EPB41L4A: variants seen among roughly 807,000 people sequenced by gnomAD.
EPB41L4A encodes erythrocyte membrane protein band 4.1 like 4A.
EPB41L4A carries 100 observed loss-of-function variants against 108.6 expected under a neutral mutation model. The ratio of observed to expected loss-of-function variants is 0.92; its 90% confidence interval spans 0.78 to 1.09. The LOEUF (loss-of-function observed/expected upper bound fraction) is 1.09, where lower values mean the gene tolerates loss of function less well. EPB41L4A is among the 50% of genes least tolerant of loss of function. The pLI is 0.00. For missense variants in EPB41L4A, 1,030 were observed against 842.7 expected, an observed-to-expected ratio of 1.22 and a Z score of -2.75; for synonymous variants, 319 against 289.0, an observed-to-expected ratio of 1.10 and a Z score of -1.05.
At chr5:112,194,977 G>A (rs966673308) in intron 16 of EPB41L4A, among the ~76,000 whole-genome samples, 2 of 152,020 alleles carry the variant, frequency 1.3e-5, no homozygotes, top group African/African-American at 2.4e-5. Context: ...GACTAAATAT[G>A]GACACAAAAT....
intron 9 of EPB41L4A, among the ~76,000 whole-genome samples, chr5:112,251,812 T>C (rs1286361356): frequency 2.0e-5 from 3 of 152,056 alleles, no homozygotes; most frequent in African/African-American, 7.2e-5. Flanking sequence ...TAAACCTCAG[T>C]AGATTTCAAA....
chr5:112,419,366 G>C, upstream of EPB41L4A: 1 of 363,542 alleles, frequency 2.8e-6, no homozygotes, highest in Non-Finnish European at 5.2e-6. Flanking sequence ...CGCAGTCCTG[G>C]GGACGACAAA....
chr5:112,154,309 A>G (rs1759575347), intron 12 of EPB41L4A, among the ~76,000 whole-genome samples: 1 of 152,226 alleles, frequency 6.6e-6, no homozygotes, highest in Admixed American at 6.5e-5. Flanking sequence ...TACGATGATC[A>G]TTAGGTTTTC....
chr5:112,170,365 C>T lies in EPB41L4A; in HGVS notation c.1675G>A (p.Glu559Lys), dbSNP rs751898965. The T allele has an allele frequency of 6.2e-7, 1 of 1,603,558 alleles. No individual in the cohort carries two copies. The highest frequency in any genetic ancestry group is 1.1e-5 in the South Asian group (1 of 90,798). The stretch of plus-strand genomic sequence containing the variant: ...GACAATCCGGATGGATCCACAAGTT[C>T]TTTTCTGTAAAGGAATATGCAAGAA... ...KEELWKHIQK[E>K]LVDPSGLSEE... The change falls in exon 20 of 23, where the codon GAA (glutamate) becomes AAA (lysine). Residue 559 changes from glutamate (E) to lysine (K), a missense_variant. Coordinates refer to ENST00000261486, the MANE Select transcript of EPB41L4A (RefSeq NM_022140.5).
At chr5:112,152,198 A>G (rs1285174912) in intron 12 of EPB41L4A, among the ~76,000 whole-genome samples, 1 of 149,990 alleles carries the variant, frequency 6.7e-6, no homozygotes, top group African/African-American at 2.5e-5. Context: ...AAGAAAAGAG[A>G]AAAAAAAACA....
chr5:112,397,374 T>C (rs1761426612), intron 1 of EPB41L4A, among the ~76,000 whole-genome samples: 1 of 152,232 alleles, frequency 6.6e-6, no homozygotes, highest in Non-Finnish European at 1.5e-5. Context: ...ATAGCCTTCA[T>C]ATTATACATG....
chr5:112,151,252 G>A (rs1413198014), intron 12 of EPB41L4A, among the ~76,000 whole-genome samples: 2 of 151,364 alleles, frequency 1.3e-5, no homozygotes, highest in Non-Finnish European at 2.9e-5. Context: ...TGTCAAATTT[G>A]TGAGTTTAAA....
intron 1 of EPB41L4A, among the ~76,000 whole-genome samples, chr5:112,414,124 T>C (rs777810506): frequency 1.6e-4 from 24 of 152,208 alleles, no homozygotes; most frequent in Admixed American, 2.0e-4. Context: ...AATCTGACTT[T>C]AGAGCCTATG....
At chr5:112,142,203 T>C (rs1296922451), downstream of EPB41L4A, among the ~76,000 whole-genome samples, 1 of 152,138 alleles carries the variant, frequency 6.6e-6, no homozygotes, top group African/African-American at 2.4e-5. Context: ...TTACCACTAC[T>C]CCTCTCCTTC....
intron 1 of EPB41L4A, among the ~76,000 whole-genome samples, chr5:112,316,405 A>AT (rs879485649): frequency 1.3e-5 from 2 of 152,134 alleles, no homozygotes. Context: ...AATTACATTA[A>AT]TTTTTTTAGC....
intron 4 of EPB41L4A, among the ~76,000 whole-genome samples, chr5:112,271,995 ACAT>A (rs1752288758): frequency 1.3e-5 from 2 of 152,172 alleles, no homozygotes; most frequent in Non-Finnish European, 2.9e-5. Flanking sequence ...CTATTAACGT[ACAT>A]TTTTCATAAT....
At chr5:112,223,004 C>T (rs1748181553) in intron 12 of EPB41L4A, among the ~76,000 whole-genome samples, 1 of 150,842 alleles carries the variant, frequency 6.6e-6, no homozygotes, top group Non-Finnish European at 1.5e-5. Flanking sequence ...TGCAGTGGCA[C>T]AATCCCTGCT....
Position 112,314,784 on chromosome 5 carries a change from C to A in EPB41L4A, c.100-7294G>T, listed in dbSNP as rs146651342. ...CTCCAGCCTGGGTGACGGAGCAAGA[C>A]TCCATCTCAAAAAAAAAAGAAAAAG... is the stretch of plus-strand genomic sequence containing the variant. On this transcript the variant is annotated intron_variant, in intron 1 of 22. Coordinates refer to ENST00000261486, the MANE Select transcript of EPB41L4A (RefSeq NM_022140.5). Among the ~76,000 whole-genome samples, 1,001 of 144,214 alleles carry A rather than the reference C, an allele frequency of 6.9e-3. 12 individuals are homozygous for A. The highest frequency in any genetic ancestry group is 0.026 in the African/African-American group (915 of 35,748). 94.6% of individuals were successfully genotyped at this position (144,214 alleles called of 152,430 possible).
At chr5:112,219,509 GT>G (rs1295903764) in intron 12 of EPB41L4A, among the ~76,000 whole-genome samples, 1 of 151,902 alleles carries the variant, frequency 6.6e-6, no homozygotes, top group Non-Finnish European at 1.5e-5. Context: ...TAATAAAAAA[GT>G]TTTTATTATC....
At chr5:112,253,009 A>T (rs1211419986) in intron 9 of EPB41L4A, among the ~76,000 whole-genome samples, 1 of 152,178 alleles carries the variant, frequency 6.6e-6, no homozygotes, top group Non-Finnish European at 1.5e-5. Flanking sequence ...AGAGCTAGAA[A>T]AATCAGCGTT....
At chr5:112,325,136 A>G (rs1359408250) in intron 1 of EPB41L4A, among the ~76,000 whole-genome samples, 2 of 140,918 alleles carry the variant, frequency 1.4e-5, no homozygotes, top group Admixed American at 1.4e-4. Flanking sequence ...GCGAGAAATT[A>G]CGCACAATTA....
At chr5:112,325,860 T>C (rs1450108340) in intron 1 of EPB41L4A, among the ~76,000 whole-genome samples, 1 of 152,184 alleles carries the variant, frequency 6.6e-6, no homozygotes, top group Non-Finnish European at 1.5e-5. Flanking sequence ...TTAAGAAAAC[T>C]ACAGGACGGG....
intron 1 of EPB41L4A, among the ~76,000 whole-genome samples, chr5:112,401,980 A>C (rs1203854235): frequency 6.6e-6 from 1 of 152,264 alleles, no homozygotes; most frequent in Non-Finnish European, 1.5e-5. Context: ...CCAACACGTT[A>C]GGTGGAAAGC....
intron 18 of EPB41L4A, among the ~76,000 whole-genome samples, chr5:112,179,173 C>G (rs1204794984): frequency 6.6e-6 from 1 of 151,958 alleles, no homozygotes; most frequent in Non-Finnish European, 1.5e-5. Flanking sequence ...ATATGAATAT[C>G]TCAATATCTG....
Sources: allele counts gnomAD v4.1 joint callset (sites outside exome capture counted in the v4.1 genomes callset), GRCh38; gene constraint gnomAD v4.1.1; transcripts MANE v1.5; gene names NCBI Gene and HGNC (gene_info 2026-07-23, HGNC 2026-07-21).